Variants in CDIN1 observed in about 807,000 individuals in gnomAD.
The protein encoded by CDIN1 is CDAN1 interacting nuclease 1.
In CDIN1, 33 loss-of-function variants were observed where a neutral mutation model predicts 45.3. That is an observed-to-expected ratio of 0.73 (90% CI 0.55 to 0.97). The LOEUF (loss-of-function observed/expected upper bound fraction) is 0.97, where lower values mean the gene tolerates loss of function less well. Ranked by LOEUF, CDIN1 falls within the 50% of genes least tolerant of loss-of-function variation. CDIN1 has a pLI of 0.00. For missense variants in CDIN1, 303 were observed against 339.4 expected (o/e 0.89, Z 0.84); for synonymous variants, 118 against 124.4 (o/e 0.95, Z 0.34).
At chr15:36,729,478 T>C (rs1045763100) in intron 10 of CDIN1, among the ~76,000 whole-genome samples, 28 of 152,338 alleles carry the variant, frequency 1.8e-4, no homozygotes, top group African/African-American at 6.7e-4. Flanking sequence ...TTGATTAGCA[T>C]GGCCTCATCC....
Position 36,638,324 on chromosome 15 carries a change from C to T in CDIN1, c.102-5954C>T, listed in dbSNP as rs562065046. 2.6e-5 allele frequency among the ~76,000 whole-genome samples: 4 copies of T among 152,208 alleles called. 1 individual carries two copies. The highest frequency in any genetic ancestry group is 2.1e-4 in the South Asian group (1 of 4,824). On this transcript the variant is annotated intron_variant, in intron 1 of 10. Coordinates refer to ENST00000566621, the MANE Select transcript of CDIN1 (RefSeq NM_001321759.2). ...TCTAAGAGTGGACATCTGAATTTTA[C>T]GCAGAAGATGCACCATTGGATAACT...
chr15:36,674,057 T>C (rs1192433367), intron 5 of CDIN1, among the ~76,000 whole-genome samples: 1 of 152,144 alleles, frequency 6.6e-6, no homozygotes, highest in African/African-American at 2.4e-5. Context: ...ATATTTCTCT[T>C]AACCTTACCA....
At chr15:36,625,293 A>C (rs2039373520) in intron 1 of CDIN1, among the ~76,000 whole-genome samples, 2 of 152,232 alleles carry the variant, frequency 1.3e-5, no homozygotes, top group South Asian at 4.1e-4. Flanking sequence ...AAAAAAAAAA[A>C]AAGTATTCTA....
chr15:36,726,238 C>A (rs1256615949), intron 10 of CDIN1, among the ~76,000 whole-genome samples: 1 of 152,162 alleles, frequency 6.6e-6, no homozygotes, highest in East Asian at 1.9e-4. Context: ...CATTTCTCTT[C>A]CTATTTTCTC....
intron 8 of CDIN1, among the ~76,000 whole-genome samples, chr15:36,698,000 T>C (rs748359893): frequency 2.0e-5 from 3 of 152,192 alleles, no homozygotes; most frequent in Admixed American, 6.6e-5. Context: ...TAAAGCACTC[T>C]ACAATGAATT....
chr15:36,592,505 C>T (rs1213079797), intron 1 of CDIN1, among the ~76,000 whole-genome samples: 1 of 152,076 alleles, frequency 6.6e-6, no homozygotes. Context: ...TTTTACACCC[C>T]CTTTGTTCTG....
intron 10 of CDIN1, among the ~76,000 whole-genome samples, chr15:36,803,025 G>A (rs1441394848): frequency 6.6e-6 from 1 of 151,850 alleles, no homozygotes; most frequent in African/African-American, 2.4e-5. Context: ...GACAAAGCCT[G>A]CTAGCCCCAA....
intron 1 of CDIN1, among the ~76,000 whole-genome samples, chr15:36,634,351 G>C (rs1413727414): frequency 1.3e-5 from 2 of 151,938 alleles, no homozygotes; most frequent in African/African-American, 4.8e-5. Flanking sequence ...TTGAACCAGG[G>C]AGTCAGAGGT....
At chr15:36,703,390 T>TAGATCTATC (rs2042738536) in intron 8 of CDIN1, among the ~76,000 whole-genome samples, 1 of 14,240 alleles carries the variant, frequency 7.0e-5, no homozygotes, top group African/African-American at 2.4e-4. Context: ...ATATATCAGA[T>TAGATCTATC]ATATATATAT....
chr15:36,755,439 C>T lies in CDIN1; in HGVS notation c.716+45478C>T, dbSNP rs144005848. Among the ~76,000 whole-genome samples the T allele has an allele frequency of 2.6e-3, 394 of 152,220 alleles. 1 individual carries two copies. Among genetic ancestry groups the T allele is most frequent in the Admixed American group, 5.8e-3 (89 of 15,290 alleles). On this transcript the variant is annotated intron_variant, in intron 10 of 10. Transcript: ENST00000566621. ...GTTTTGTTCATATTTGGCTTCAGCT[C>T]CTCTGCATAGTCATTAAAGTCCCAA... is the stretch of plus-strand genomic sequence containing the variant.
chr15:36,609,831 C>A (rs2140268307), intron 1 of CDIN1, among the ~76,000 whole-genome samples: 1 of 152,294 alleles, frequency 6.6e-6, no homozygotes, highest in South Asian at 2.1e-4. Flanking sequence ...CTGTTTTTCA[C>A]ACAGGATGTG....
At chr15:36,733,189 T>G (rs1187178062) in intron 10 of CDIN1, among the ~76,000 whole-genome samples, 1 of 152,074 alleles carries the variant, frequency 6.6e-6, no homozygotes, top group Non-Finnish European at 1.5e-5. Flanking sequence ...TACAAAAGCA[T>G]TTTCTTGAGT....
chr15:36,591,377 T>G (rs996868021), intron 1 of CDIN1, among the ~76,000 whole-genome samples: 1 of 152,128 alleles, frequency 6.6e-6, no homozygotes, highest in Non-Finnish European at 1.5e-5. Context: ...TCGAGCCCCA[T>G]TTAGCTAAGA....
chr15:36,674,518 T>G (rs1251339719), intron 5 of CDIN1, among the ~76,000 whole-genome samples: 2 of 152,204 alleles, frequency 1.3e-5, no homozygotes, highest in Non-Finnish European at 2.9e-5. Context: ...ACCTTAATGT[T>G]CACTGTTTGC....
At chr15:36,803,485 T>C (rs2055117349) in intron 10 of CDIN1, among the ~76,000 whole-genome samples, 1 of 152,146 alleles carries the variant, frequency 6.6e-6, no homozygotes, top group Non-Finnish European at 1.5e-5. Flanking sequence ...TGTGTAAACA[T>C]TCCCAATTTG....
intron 10 of CDIN1, among the ~76,000 whole-genome samples, chr15:36,740,036 A>T (rs1167382853): frequency 6.6e-6 from 1 of 152,098 alleles, no homozygotes. Context: ...TTCACTGAAT[A>T]TGGTTTGTTG....
intron 1 of CDIN1, among the ~76,000 whole-genome samples, chr15:36,590,626 A>AC (rs1440672941): frequency 1.3e-5 from 2 of 151,982 alleles, no homozygotes; most frequent in African/African-American, 4.8e-5. Context: ...ATTGCTCCCC[A>AC]CCCCCAACAT....
chr15:36,736,773 T>G (rs1267073098), intron 10 of CDIN1, among the ~76,000 whole-genome samples: 1 of 152,196 alleles, frequency 6.6e-6, no homozygotes, highest in Non-Finnish European at 1.5e-5. Context: ...TTCCACAGTC[T>G]GACCTCCTCC....
At chr15:36,802,678 A>T (rs1595623059) in intron 10 of CDIN1, among the ~76,000 whole-genome samples, 1 of 151,254 alleles carries the variant, frequency 6.6e-6, no homozygotes, top group African/African-American at 2.4e-5. Context: ...TTTATACTTT[A>T]AAAAAAAAGA....
Sources: gnomAD v4.1 joint callset for allele counts (sites outside exome capture counted in the v4.1 genomes callset) on GRCh38, gnomAD v4.1.1 for gene constraint, MANE v1.5 for transcripts, NCBI Gene and HGNC (gene_info 2026-07-23, HGNC 2026-07-21) for gene names.